PSMA3: variants seen among roughly 807,000 people sequenced by gnomAD.
The protein encoded by PSMA3 is proteasome subunit alpha type-3.
A neutral mutation model predicts 40.0 loss-of-function variants in PSMA3; 8 were observed. The ratio of observed to expected loss-of-function variants is 0.20; its 90% CI spans 0.12 to 0.36. The LOEUF is 0.36. PSMA3 is among the 10% of genes least tolerant of loss of function. The probability of loss-of-function intolerance (pLI) is 1.00; values close to 1 mark genes in which losing one functional copy is unlikely to be tolerated. For missense variants in PSMA3, 219 were observed against 310.6 expected, an observed-to-expected ratio of 0.70 and a Z score of 2.22; for synonymous variants, 110 against 100.0, an observed-to-expected ratio of 1.10 and a Z score of -0.59.
intron 2 of PSMA3, 146 bp downstream of exon 2, chr14:58,247,978 T>G: frequency 3.5e-6 from 2 of 578,970 alleles, no homozygotes; most frequent in Non-Finnish European, 6.0e-6. Flanking sequence ...CTAGGCCAGA[T>G]GCTTTCCATG....
chr14:58,258,267 A>G (rs993224287), intron 5 of PSMA3: 18 of 325,404 alleles, frequency 5.5e-5, no homozygotes, highest in African/African-American at 3.5e-4. Context: ...GTGAGAACCT[A>G]TCTCTACAAA....
chr14:58,256,841 G>A (rs528825084), intron 3 of PSMA3, among the ~76,000 whole-genome samples: 17 of 151,922 alleles, frequency 1.1e-4, no homozygotes, highest in East Asian at 3.9e-4. Flanking sequence ...AATTTGGGCC[G>A]GGCACGGCGG....
intron 2 of PSMA3, among the ~76,000 whole-genome samples, chr14:58,249,623 C>T (rs751034704): frequency 1.3e-5 from 2 of 152,124 alleles, no homozygotes; most frequent in African/African-American, 4.8e-5. Context: ...AGCTATTCTC[C>T]TCCCTCAGCC....
At chr14:58,261,117 A>T in intron 6 of PSMA3, 97 bp downstream of exon 6, 1 of 855,288 alleles carries the variant, frequency 1.2e-6, no homozygotes, top group Admixed American at 2.7e-5. Flanking sequence ...TTAAAAAAAA[A>T]CTCATTCAAG....
rs1378900517 is a variant in PSMA3 at position 58,270,919 on chromosome 14, T to G, written c.659-15T>G. The G allele has an allele frequency of 1.9e-6, 3 of 1,578,648 alleles. No individual in the cohort carries two copies. Among genetic ancestry groups the G allele is most frequent in the Non-Finnish European group, 2.6e-6 (3 of 1,153,158 alleles). On this transcript the variant is annotated splice_polypyrimidine_tract_variant and intron_variant, in intron 9 of 10. Transcript: ENST00000216455. ...TCAATTTAAAATTCATTTACACATGTGGCTTAATTTACAGTAACTAATGGA... is the reference window on the plus strand; with the variant it reads ...TCAATTTAAAATTCATTTACACATGGGGCTTAATTTACAGTAACTAATGGA...
intron 8 of PSMA3, chr14:58,268,281 C>CT (rs1369418513): frequency 2.0e-5 from 3 of 152,112 alleles, no homozygotes; most frequent in African/African-American, 4.8e-5. Context: ...CATAACAACT[C>CT]TAAGTATTCC....
chr14:58,252,303 T>G, intron 3 of PSMA3, 61 bp downstream of exon 3: 1 of 1,564,698 alleles, frequency 6.4e-7, no homozygotes, highest in Non-Finnish European at 8.6e-7. Flanking sequence ...AGTAACTGAT[T>G]GGAATAGATC....
At chr14:58,267,247 C>A in intron 7 of PSMA3, 1 of 668,638 alleles carries the variant, frequency 1.5e-6, no homozygotes, top group Non-Finnish European at 1.9e-6. Context: ...GGCAATCCGG[C>A]CGCCTCGGCC....
chr14:58,255,649 C>A (rs1890126630), intron 3 of PSMA3, among the ~76,000 whole-genome samples: 1 of 152,160 alleles, frequency 6.6e-6, no homozygotes, highest in East Asian at 1.9e-4. Context: ...CATGCCTGTA[C>A]TCCCAGCTAC....
intron 3 of PSMA3, among the ~76,000 whole-genome samples, chr14:58,257,257 G>A (rs1208390560): frequency 6.6e-6 from 1 of 152,092 alleles, no homozygotes; most frequent in Non-Finnish European, 1.5e-5. Context: ...CAGCACTTTA[G>A]GAGGCTGAGG....
chr14:58,252,387 T>G, intron 3 of PSMA3, 145 bp downstream of exon 3: 1 of 1,116,642 alleles, frequency 9.0e-7, no homozygotes, highest in South Asian at 1.8e-5. Flanking sequence ...AAAGGCAGCA[T>G]TCTCATAACC....
chr14:58,257,971 A>G lies in PSMA3; in HGVS notation c.377A>G (p.Tyr126Cys). Residue 126 changes from tyrosine (Y) to cysteine (C), a missense_variant, in exon 5 of 11, where the codon TAC (tyrosine) becomes TGC (cysteine). By Grantham distance (194) the Tyr-to-Cys change is radical (BLOSUM62 -2). Transcript: ENST00000216455. ...ATGTATGTGCATGCATATACACTCT[A>G]CAGTGCTGTTAGACCTTTTGGCTGC... is the stretch of plus-strand genomic sequence containing the variant. ...VAMYVHAYTLYSAVRPFGCSF... is the reference protein window; with the variant it reads ...VAMYVHAYTLCSAVRPFGCSF... The G allele has an allele frequency of 1.2e-6, 2 of 1,614,034 alleles. No homozygotes were observed. Among genetic ancestry groups the G allele is most frequent in the Non-Finnish European group, 1.7e-6 (2 of 1,179,874 alleles).
intron 7 of PSMA3, chr14:58,264,952 A>G (rs1333167573): frequency 6.6e-6 from 1 of 152,280 alleles, no homozygotes; most frequent in East Asian, 1.9e-4. Context: ...ATACTATTAT[A>G]TGGAAATTTG....
chr14:58,244,920 G>A lies in PSMA3; in HGVS notation c.-1G>A. 2 of 1,614,214 alleles carry A rather than the reference G, an allele frequency of 1.2e-6. No individual in the cohort carries two copies. The highest frequency in any genetic ancestry group is 1.7e-6 in the Non-Finnish European group (2 of 1,180,014). On this transcript the variant is annotated 5_prime_UTR_variant, in exon 1 of 11. Transcript: ENST00000216455. ...CTACGCGTCCCTTTGGGTTTAGCAC[G>A]ATGAGCTCAATCGGCACTGGGGTGA...
At chr14:58,245,159 G>A in intron 1 of PSMA3, 1 of 588,858 alleles carries the variant, frequency 1.7e-6, no homozygotes, top group South Asian at 2.1e-5. Flanking sequence ...CAGCGCAGGT[G>A]TAGCCGGCTT....
intron 2 of PSMA3, among the ~76,000 whole-genome samples, chr14:58,248,048 C>A (rs2140078019): frequency 6.6e-6 from 1 of 152,032 alleles, no homozygotes; most frequent in East Asian, 1.9e-4. Flanking sequence ...TTCCATGTTG[C>A]AGAGTGTATA....
rs367701636 is a variant in PSMA3, at chr14:58,254,607, A to T, written c.228+2365A>T. Among the ~76,000 whole-genome samples, 256 of 151,920 alleles carry T rather than the reference A, an allele frequency of 1.7e-3. 2 individuals carry two copies. Among genetic ancestry groups the T allele is most frequent in the African/African-American group, 5.0e-3 (208 of 41,428 alleles). ...CGCCTCAGCTTCTTGAGTTGCTGAGATTACAGGCATGAGCCAATGTGCCCT... is the reference window on the plus strand; with the variant it reads ...CGCCTCAGCTTCTTGAGTTGCTGAGTTTACAGGCATGAGCCAATGTGCCCT... On this transcript the variant is annotated intron_variant, in intron 3 of 10. Coordinates refer to ENST00000216455, the MANE Select transcript of PSMA3 (RefSeq NM_002788.4).
At chr14:58,271,775 G>A (rs1194382821) in intron 10 of PSMA3, 76 bp from the exon 11 acceptor site, 7 of 1,028,856 alleles carry the variant, frequency 6.8e-6, no homozygotes, top group Non-Finnish European at 1.1e-5. Context: ...TCAGGTTGTT[G>A]TAGCTTAACT....
chr14:58,254,822 C>T (rs1002903109), intron 3 of PSMA3, among the ~76,000 whole-genome samples: 30 of 152,130 alleles, frequency 2.0e-4, no homozygotes, highest in African/African-American at 7.2e-4. Flanking sequence ...ATTCTAAACA[C>T]GCGTTTCCTT....
Sources: allele counts gnomAD v4.1 joint callset (sites outside exome capture counted in the v4.1 genomes callset), GRCh38; gene constraint gnomAD v4.1.1; transcripts MANE v1.5; gene names NCBI Gene and HGNC (gene_info 2026-07-23, HGNC 2026-07-21).